The following ERG variants were observed in gnomAD, a reference collection of about 807,000 sequenced individuals.
ERG encodes ETS transcription factor ERG, also known as transcriptional regulator ERG.
Under a neutral mutation model 55.3 loss-of-function variants are expected in ERG, and 9 were observed. That is an observed-to-expected ratio of 0.16 (90% CI 0.10 to 0.28). The LOEUF is 0.28. Among genes scored for constraint, ERG ranks in the 10% least tolerant of loss-of-function variants. ERG has a pLI of 1.00. For missense variants in ERG, 434 were observed against 631.6 expected (o/e 0.69, Z 3.35); for synonymous variants, 223 against 237.3 (o/e 0.94, Z 0.55).
intron 1 of ERG, among the ~76,000 whole-genome samples, chr21:38,604,251 CAAA>C (rs397972884): frequency 2.9e-4 from 27 of 94,112 alleles, no homozygotes; most frequent in African/African-American, 6.0e-4. Context: ...GAGACTCCGT[CAAA>C]AAAAAAAAAA....
intron 1 of ERG, among the ~76,000 whole-genome samples, chr21:38,483,517 G>A (rs2146655147): frequency 6.6e-6 from 1 of 152,236 alleles, no homozygotes; most frequent in Admixed American, 6.5e-5. Flanking sequence ...AATTGTATAT[G>A]CATCTGGGGA....
chr21:38,400,115 T>C (rs1205769648), intron 6 of ERG: 1 of 340,536 alleles, frequency 2.9e-6, no homozygotes, highest in South Asian at 3.6e-5. Context: ...AATTAAATCA[T>C]TTGGAGGACA....
intron 2 of ERG, among the ~76,000 whole-genome samples, chr21:38,504,822 C>T (rs147582442): frequency 9.6e-4 from 146 of 152,280 alleles, no homozygotes; most frequent in Admixed American, 2.8e-3. Context: ...TGATTCTAGT[C>T]AGAGTTTTAA....
At chr21:38,661,294 T>C (rs1046134167) in intron 1 of ERG, among the ~76,000 whole-genome samples, 14 of 152,280 alleles carry the variant, frequency 9.2e-5, no homozygotes, top group Admixed American at 7.2e-4. Context: ...TTGAAAATAG[T>C]AAAAGTGAAA....
intron 1 of ERG, among the ~76,000 whole-genome samples, chr21:38,458,804 T>TCTCATCTC (rs1389992360): frequency 1.4e-4 from 22 of 152,204 alleles, no homozygotes; most frequent in African/African-American, 5.1e-4. Flanking sequence ...TTTAACAGAT[T>TCTCATCTC]CTCATCTCCT....
intron 1 of ERG, among the ~76,000 whole-genome samples, chr21:38,477,235 C>T (rs2146639755): frequency 6.6e-6 from 1 of 152,178 alleles, no homozygotes; most frequent in East Asian, 1.9e-4. Context: ...GTTGGTCTCG[C>T]TCAAGCGATC....
At chr21:38,610,316 G>A (rs2060218494) in intron 1 of ERG, among the ~76,000 whole-genome samples, 1 of 152,208 alleles carries the variant, frequency 6.6e-6, no homozygotes, top group Non-Finnish European at 1.5e-5. Flanking sequence ...GGGTTCAAGG[G>A]TGGTGGATGA....
intron 2 of ERG, among the ~76,000 whole-genome samples, chr21:38,445,031 C>T (rs1051595715): frequency 2.6e-5 from 4 of 152,098 alleles, no homozygotes; most frequent in African/African-American, 9.7e-5. Context: ...GGTAAATATA[C>T]TACTAATTTT....
At chr21:38,611,110 C>T (rs554801631) in intron 1 of ERG, among the ~76,000 whole-genome samples, 6 of 152,244 alleles carry the variant, frequency 3.9e-5, no homozygotes, top group Admixed American at 3.3e-4. Flanking sequence ...TTCTTCTCCT[C>T]GTGCCACGCA....
intron 2 of ERG, among the ~76,000 whole-genome samples, chr21:38,517,940 A>G (rs1203660344): frequency 6.6e-6 from 1 of 152,138 alleles, no homozygotes; most frequent in Non-Finnish European, 1.5e-5. Context: ...AATGATGGTT[A>G]CCAGAGGCTG....
At chr21:38,418,905 G>C (rs1989403139) in intron 3 of ERG, among the ~76,000 whole-genome samples, 1 of 137,912 alleles carries the variant, frequency 7.3e-6, no homozygotes, top group Admixed American at 7.6e-5. Flanking sequence ...TCAGTCTGGG[G>C]AACAAGAGCG....
At chr21:38,529,231 C>T (rs961413161) in intron 2 of ERG, among the ~76,000 whole-genome samples, 21 of 152,170 alleles carry the variant, frequency 1.4e-4, no homozygotes, top group African/African-American at 3.6e-4. Context: ...TTGAGGAAAA[C>T]ACTCTGACTT....
At position 38,482,683 on chromosome 21, in the gene ERG, CTTT is replaced by C. The variant is rs35326459; in HGVS notation, c.18+15677_18+15679del. On this transcript the variant is annotated intron_variant, in intron 1 of 9. Coordinates refer to ENST00000288319, the MANE Select transcript of ERG (RefSeq NM_182918.4). ...TATATACAACGGAATATCATTTAGC[CTTT>C]TTTTTTTTTGAGATGGAATCTCAGT... 4.8e-5 allele frequency among the ~76,000 whole-genome samples: 7 copies of C among 145,960 alleles called. No homozygotes were observed. The East Asian group carries it at 9.9e-4, about 21-fold the overall frequency.
At chr21:38,500,382 A>G (rs2059412287), upstream of ERG, among the ~76,000 whole-genome samples, 1 of 152,220 alleles carries the variant, frequency 6.6e-6, no homozygotes, top group Admixed American at 6.5e-5. Context: ...CTGGGACCTA[A>G]TGCTTCAGTG....
chr21:38,622,233 C>T (rs530321871), intron 1 of ERG, among the ~76,000 whole-genome samples: 1 of 152,314 alleles, frequency 6.6e-6, no homozygotes, highest in South Asian at 2.1e-4. Context: ...ACGTAACTCA[C>T]CAAACAGGGC....
chr21:38,532,420 A>G (rs1285271861), intron 2 of ERG, among the ~76,000 whole-genome samples: 1 of 151,924 alleles, frequency 6.6e-6, no homozygotes, highest in African/African-American at 2.4e-5. Flanking sequence ...TTCTGAAGTC[A>G]CTACGAAAGT....
intron 1 of ERG, among the ~76,000 whole-genome samples, chr21:38,593,291 A>G (rs966428697): frequency 6.6e-6 from 1 of 152,214 alleles, no homozygotes; most frequent in African/African-American, 2.4e-5. Flanking sequence ...AACTATAAAT[A>G]TGACTTCTCT....
chr21:38,483,853 T>G (rs1211108760), intron 1 of ERG, among the ~76,000 whole-genome samples: 1 of 151,978 alleles, frequency 6.6e-6, no homozygotes, highest in Non-Finnish European at 1.5e-5. Flanking sequence ...GGCGACAGAG[T>G]GAGACTCTGT....
chr21:38,374,817 C>T, the ERG span, among the ~76,000 whole-genome samples: 1 of 152,038 alleles, frequency 6.6e-6, no homozygotes, highest in Non-Finnish European at 1.5e-5. Flanking sequence ...TTGTACTTGG[C>T]CTTATATTGT....
Sources: gnomAD v4.1 joint callset for allele counts (sites outside exome capture counted in the v4.1 genomes callset) on GRCh38, gnomAD v4.1.1 for gene constraint, MANE v1.5 for transcripts, NCBI Gene and HGNC (gene_info 2026-07-23, HGNC 2026-07-21) for gene names.